The following OS9 variants were observed in gnomAD, a reference collection of about 807,000 sequenced individuals.
OS9 encodes protein OS-9.
In OS9, 58 loss-of-function variants were observed where a neutral mutation model predicts 84.7. The observed-to-expected ratio is 0.68, with a 90% CI of 0.55 to 0.85. OS9 has a LOEUF of 0.85. OS9 is among the 40% of genes least tolerant of loss of function. OS9 has a pLI of 0.00. For missense variants in OS9, 760 were observed against 850.9 expected (o/e 0.89, Z 1.33); for synonymous variants, 278 against 320.8 (o/e 0.87, Z 1.43).
intron 5 of OS9, among the ~76,000 whole-genome samples, chr12:57,706,098 G>A (rs1392514094): frequency 6.6e-6 from 1 of 152,172 alleles, no homozygotes; most frequent in Non-Finnish European, 1.5e-5. Context: ...TAAAGGGGAT[G>A]CTCCTGAAGT....
chr12:57,706,919 G>GTA (rs1049282369), intron 5 of OS9, among the ~76,000 whole-genome samples: 6 of 150,448 alleles, frequency 4.0e-5, no homozygotes, highest in African/African-American at 7.3e-5. Flanking sequence ...TACAAAACCG[G>GTA]TATATTGGGG....
intron 8 of OS9, 41 bp from the exon 9 acceptor site, chr12:57,716,652 A>G (rs566604216): frequency 2.5e-6 from 4 of 1,602,302 alleles, no homozygotes; most frequent in Admixed American, 3.3e-5. Context: ...GAGGGCATGA[A>G]CAGGCTTTCA....
At chr12:57,697,888 C>CACACACAG (rs1953897225) in intron 5 of OS9, among the ~76,000 whole-genome samples, 1 of 143,718 alleles carries the variant, frequency 7.0e-6, no homozygotes, top group Non-Finnish European at 1.5e-5. Flanking sequence ...CACACACACA[C>CACACACAG]ACGGAACCTA....
At chr12:57,701,204 T>C (rs1389149373) in intron 5 of OS9, among the ~76,000 whole-genome samples, 2 of 151,948 alleles carry the variant, frequency 1.3e-5, no homozygotes, top group Non-Finnish European at 2.9e-5. Context: ...CAACTTGTTT[T>C]TTTCACTGAT....
chr12:57,709,907 C>T (rs1455132901), intron 5 of OS9, among the ~76,000 whole-genome samples: 1 of 151,538 alleles, frequency 6.6e-6, no homozygotes, highest in Non-Finnish European at 1.5e-5. Context: ...GGCTGGAGTG[C>T]AGTGGCATGA....
chr12:57,710,800 G>A (rs1954302935), intron 5 of OS9, among the ~76,000 whole-genome samples: 1 of 152,004 alleles, frequency 6.6e-6, no homozygotes, highest in African/African-American at 2.4e-5. Context: ...AGCACTTTGG[G>A]AGGCCGAGGC....
chr12:57,704,452 G>A (rs1344879452), intron 5 of OS9, among the ~76,000 whole-genome samples: 2 of 151,958 alleles, frequency 1.3e-5, no homozygotes, highest in East Asian at 1.9e-4. Flanking sequence ...CAGGAGAATC[G>A]CTTGAACCTG....
chr12:57,718,224 G>A lies in OS9; in HGVS notation c.1213G>A (p.Gly405Ser). 6.2e-7 allele frequency: 1 copy of A among 1,614,184 alleles called. No homozygotes were observed. The highest frequency in any genetic ancestry group is 8.5e-7 in the Non-Finnish European group (1 of 1,180,036). The change falls in exon 11 of 15, where the codon GGT (glycine) becomes AGT (serine). Residue 405 changes from glycine (G) to serine (S), a missense_variant. Physicochemically the swap from Gly to Ser is moderately conservative, Grantham distance 56. Coordinates refer to ENST00000315970, the MANE Select transcript of OS9 (RefSeq NM_006812.4). ...TCAGAGGGAACCAGAGAAGGAAAGG[G>A]GTGATCCAGAACGGCAGAGAGAGAT... ...VPQREPEKER[G>S]DPERQREMEE...
rs1277939013 is a variant in OS9 at position 57,718,416 on chromosome 12, C to G, written c.1405C>G (p.Gln469Glu). The G allele has an allele frequency of 6.2e-7, 1 of 1,612,694 alleles. No individual in the cohort carries two copies. Among genetic ancestry groups the G allele is most frequent in the Non-Finnish European group, 8.5e-7 (1 of 1,179,266 alleles). Residue 469 changes from glutamine (Q) to glutamate (E), a missense_variant, in exon 11 of 15, where the codon CAG becomes GAG. Transcript: ENST00000315970. ...GMERELENII[Q>E]ETEKELDPDG... is the part of the protein sequence containing the mutation. ...GGAGCGGGAACTGGAAAACATCATC[C>G]AGGAGGCAAGCCCAGCTCTTCCTCC...
At chr12:57,712,549 A>G (rs1342020948) in intron 5 of OS9, among the ~76,000 whole-genome samples, 1 of 152,090 alleles carries the variant, frequency 6.6e-6, no homozygotes, top group Non-Finnish European at 1.5e-5. Flanking sequence ...ACTCTTTGTG[A>G]GATCCAACAT....
intron 5 of OS9, among the ~76,000 whole-genome samples, chr12:57,706,189 G>A (rs1954161240): frequency 1.3e-5 from 2 of 152,136 alleles, no homozygotes; most frequent in African/African-American, 4.8e-5. Flanking sequence ...TCTGTACCTA[G>A]ACTGCTGGAT....
In OS9 at chr12:57,716,415, C is replaced by T. The variant is rs374016366; in HGVS notation, c.896C>T (p.Ala299Val). The change falls in exon 8 of 15, where the codon GCG (alanine) becomes GTG (valine). Residue 299 changes from alanine to valine, a missense_variant. Coordinates refer to ENST00000315970, the MANE Select transcript of OS9 (RefSeq NM_006812.4). ...CTCCCTGTTCTCTGTACCCTAGGTG[C>T]GAGCCCGACCAAGGATGACAGTAAG... ...SGVAPQKMAG[A>V]SPTKDDSKDS... is the part of the protein sequence containing the mutation. 1.2e-5 allele frequency: 19 copies of T among 1,553,786 alleles called. No individual in the cohort carries two copies. The highest frequency in any genetic ancestry group is 1.5e-5 in the Non-Finnish European group (17 of 1,147,568).
At chr12:57,700,680 T>C (rs1168033323) in intron 5 of OS9, among the ~76,000 whole-genome samples, 1 of 152,044 alleles carries the variant, frequency 6.6e-6, no homozygotes, top group Non-Finnish European at 1.5e-5. Flanking sequence ...TTGGTGTGTG[T>C]TTTAAGATGC....
rs76103081 is a variant in OS9 at position 57,716,020 on chromosome 12, G to T, written c.790+50G>T. On this transcript the variant is annotated intron_variant, in intron 6 of 14. Transcript: ENST00000315970. ...AGACGGGGAGATACGGGGGCAGGGG[G>T]TGGCAAAAGATCAAGTATTGAATAG... 7,622 of 1,599,402 alleles carry T rather than the reference G, an allele frequency of 4.8e-3. 257 individuals carry two copies. The African/African-American group carries it at 0.08, about 17-fold the overall frequency.
rs751888641 is a variant in OS9 at position 57,720,431 on chromosome 12, C to T, written c.1791C>T (p.Arg597=). The T allele has an allele frequency of 6.2e-7, 1 of 1,613,932 alleles. No homozygotes were observed. Among genetic ancestry groups the T allele is most frequent in the South Asian group, 1.1e-5 (1 of 91,082 alleles). Residue 597 remains arginine (R), a synonymous_variant, in exon 14 of 15, where the codon CGC becomes CGT. Transcript: ENST00000315970. ...GGAAAATTGAGATCAAAATTGTCCG[C>T]CCATGGGCTGAAGGGACTGAAGAGG... ...AAGKIEIKIV[R]PWAEGTEEGA...
At chr12:57,712,348 C>T (rs1954356821) in intron 5 of OS9, among the ~76,000 whole-genome samples, 1 of 151,950 alleles carries the variant, frequency 6.6e-6, no homozygotes, top group Non-Finnish European at 1.5e-5. Context: ...TTATAGTTTT[C>T]TTTTGATTTT....
At chr12:57,718,468 G>A (rs768786685) in intron 11 of OS9, 47 bp downstream of exon 11, 30 of 1,584,860 alleles carry the variant, frequency 1.9e-5, no homozygotes, top group Middle Eastern at 2.1e-4. Context: ...GCCTGGTCCC[G>A]TGGAGCAGGA....
At chr12:57,694,597 T>C in intron 1 of OS9, 153 bp from the exon 2 acceptor site, 1 of 799,734 alleles carries the variant, frequency 1.3e-6, no homozygotes, top group Non-Finnish European at 2.0e-6. Context: ...GGGAGCGCCC[T>C]CTCCTCTCAC....
intron 5 of OS9, among the ~76,000 whole-genome samples, chr12:57,708,411 C>A (rs1242956988): frequency 1.3e-5 from 2 of 151,960 alleles, no homozygotes; most frequent in East Asian, 3.9e-4. Flanking sequence ...GCAGGAGGAT[C>A]GCTTGAGGCC....
Sources: gnomAD v4.1 joint callset for allele counts (sites outside exome capture counted in the v4.1 genomes callset) on GRCh38, gnomAD v4.1.1 for gene constraint, MANE v1.5 for transcripts, NCBI Gene and HGNC (gene_info 2026-07-23, HGNC 2026-07-21) for gene names.